KANK3: variants seen among roughly 807,000 people sequenced by gnomAD.
KANK3 encodes the protein KN motif and ankyrin repeat domain-containing protein 3.
KANK3 carries 61 observed loss-of-function variants against 65.4 expected under a neutral mutation model. That is an observed-to-expected ratio of 0.93 (90% CI 0.76 to 1.15). The LOEUF is 1.15. Ranked by LOEUF, KANK3 falls within the 50% of genes most tolerant of loss-of-function variation. KANK3 has a pLI of 0.00. For synonymous variants in KANK3, 586 were observed against 543.3 expected, an observed-to-expected ratio of 1.08 and a Z score of -1.09; for missense variants, 1,187 against 1,178.8, an observed-to-expected ratio of 1.01 and a Z score of -0.10.
intron 2 of KANK3, 85 bp downstream of exon 2, chr19:8,337,710 T>C (rs1012926530): frequency 9.4e-6 from 14 of 1,493,068 alleles, no homozygotes; most frequent in Non-Finnish European, 1.3e-5. Flanking sequence ...ACTCTAGGGC[T>C]GTAGGCTGCG....
intron 1 of KANK3, among the ~76,000 whole-genome samples, chr19:8,340,289 TATAC>T (rs1568205687): frequency 3.3e-5 from 2 of 61,514 alleles, no homozygotes; most frequent in South Asian, 4.2e-4. Flanking sequence ...TATATATATA[TATAC>T]ACACACACAC....
chr19:8,327,280 T>G (rs1599642154), intron 7 of KANK3, among the ~76,000 whole-genome samples: 1 of 151,950 alleles, frequency 6.6e-6, no homozygotes, highest in South Asian at 2.1e-4. Context: ...GGCAGGAGGA[T>G]CACTTGAGGC....
chr19:8,322,822 G>C lies in KANK3; in HGVS notation c.*17C>G. On this transcript the variant is annotated 3_prime_UTR_variant, in exon 11 of 11. Coordinates refer to ENST00000330915, the MANE Select transcript of KANK3 (RefSeq NM_198471.3). ...AGATCTCCCCACAGCTAGGTGTAGT[G>C]AGCCAGACGAGGCAGCTTACTGAAC... 6.3e-7 allele frequency: 1 copy of C among 1,591,138 alleles called. No individual in the cohort carries two copies. The highest frequency in any genetic ancestry group is 1.7e-5 in the Admixed American group (1 of 58,690).
chr19:8,324,883 GGTC>G, intron 8 of KANK3, 53 bp from the exon 9 acceptor site: 1 of 1,558,612 alleles, frequency 6.4e-7, no homozygotes, highest in Non-Finnish European at 8.7e-7. Context: ...AGGGAAGGGA[GGTC>G]ACAGGTTGAC....
chr19:8,330,774 C>T (rs1025744547), intron 7 of KANK3, among the ~76,000 whole-genome samples: 10 of 151,156 alleles, frequency 6.6e-5, no homozygotes, highest in South Asian at 2.1e-4. Flanking sequence ...GTGTGGTACA[C>T]GCGCCTGTAA....
intron 10 of KANK3, among the ~76,000 whole-genome samples, chr19:8,323,812 C>G (rs1970368971): frequency 6.6e-6 from 1 of 152,156 alleles, no homozygotes. Context: ...GATTAGATAA[C>G]TTGGATTATG....
rs895599861 is a variant in KANK3, at chr19:8,329,558, A to G, written c.1936+3456T>C. Among the ~76,000 whole-genome samples the G allele has an allele frequency of 3.2e-4, 48 of 150,724 alleles. 1 individual carries two copies. The highest frequency in any genetic ancestry group is 1.1e-3 in the African/African-American group (44 of 41,088). ...TGCTCTGGAAATGCAATCTTGAGAT[A>G]AGGAGGAACTGACTGGAACAGCCTA... On this transcript the variant is annotated intron_variant, in intron 7 of 10. Transcript: ENST00000330915.
intron 7 of KANK3, among the ~76,000 whole-genome samples, chr19:8,326,808 A>AC (rs57868533): frequency 0.27 from 40,098 of 149,374 alleles, 5,639 homozygotes; most frequent in African/African-American, 0.35. Flanking sequence ...CAGAAAAAAA[A>AC]AAAAAAACCT....
Position 8,335,475 on chromosome 19 carries a change from G to T in KANK3, c.352C>A (p.Pro118Thr). The T allele has an allele frequency of 8.1e-7, 1 of 1,237,478 alleles. No homozygotes were observed. The allele number at this position is 1,237,478 out of a possible 1,614,324, so 76.7% of individuals were successfully genotyped here. A position where few individuals can be genotyped will look rare whatever the true frequency, so the allele number is the denominator to read the frequency against. Residue 118 changes from proline to threonine, a missense_variant, in exon 3 of 11, where the codon CCG (proline) becomes ACG (threonine). Pro to Thr is a conservative substitution (Grantham distance 38). Around this residue, in one of 3 missense-constraint regions of KANK3, gnomAD observed 1,078 missense variants for 1,038.2 expected, o/e 1.04. Transcript: ENST00000330915. The part of the protein sequence containing the change: ...QGAPSGLLMQ[P>T]LSPRAPVRNP... ...CGCACGGGCGCGCGCGGCGACAGCG[G>T]CTGCATCAGGAGCCCCGAGGGCGCG...
At chr19:8,332,965 TC>T in intron 7 of KANK3, 48 bp downstream of exon 7, 6 of 1,128,398 alleles carry the variant, frequency 5.3e-6, no homozygotes, top group East Asian at 6.8e-5. Context: ...CCCTGCCCTC[TC>T]CCCCCACCCA....
intron 2 of KANK3, 94 bp from the exon 3 acceptor site, chr19:8,335,886 C>T (rs992621991): frequency 7.3e-6 from 6 of 826,864 alleles, no homozygotes; most frequent in Non-Finnish European, 9.7e-6. Flanking sequence ...CCCATGCCCA[C>T]GCTTCACACC....
chr19:8,337,688 G>T, intron 2 of KANK3, 107 bp downstream of exon 2: 2 of 1,315,450 alleles, frequency 1.5e-6, no homozygotes, highest in Non-Finnish European at 2.2e-6. Flanking sequence ...TCATGACATT[G>T]GAGAGGACTG....
chr19:8,329,523 A>AAAAG (rs1427394985), intron 7 of KANK3, among the ~76,000 whole-genome samples: 1 of 149,470 alleles, frequency 6.7e-6, no homozygotes, highest in African/African-American at 2.5e-5. Context: ...AAAAAAGACT[A>AAAAG]ACTATAGAAT....
At chr19:8,343,121 C>T (rs1345334235) in intron 1 of KANK3, 104 bp downstream of exon 1, 2 of 152,258 alleles carry the variant, frequency 1.3e-5, no homozygotes, top group Non-Finnish European at 2.9e-5. Context: ...CGGGCAGAGC[C>T]CTCAGTGGGG....
In KANK3 at chr19:8,333,010, T is replaced by C. The variant is rs1307750616; in HGVS notation, c.1936+4A>G. ...TGTCCCACCCACCCTCCCTTGGCTC[T>C]GACCCGTATCCAGGAGCAGGCTTGC... On this transcript the variant is annotated splice_donor_region_variant and intron_variant, in intron 7 of 10. Transcript: ENST00000330915. The surrounding 1 kb of genome is among the most constrained non-coding windows in gnomAD (Gnocchi z 5.0). 1.9e-6 allele frequency: 1 copy of C among 512,954 alleles called. No individual in the cohort carries two copies. The highest frequency in any genetic ancestry group is 2.4e-5 in the Admixed American group (1 of 42,536). The allele number at this position is 512,954 out of a possible 1,614,324, so 31.8% of individuals were successfully genotyped here. A position where few individuals can be genotyped will look rare whatever the true frequency, so the allele number is the denominator to read the frequency against.
rs1003313957 is a variant in KANK3 at position 8,327,688 on chromosome 19, G to A, written c.1937-2592C>T. Among the ~76,000 whole-genome samples, 12 of 152,248 alleles carry A rather than the reference G, an allele frequency of 7.9e-5. 2 individuals are homozygous for A. Among genetic ancestry groups the A allele is most frequent in the Admixed American group, 1.3e-4 (2 of 15,282 alleles). ...TCATGCCTGTGGTCCCAAATACTCA[G>A]GAGGCTGAGGTGGAAGGATCGCTTG... On this transcript the variant is annotated intron_variant, in intron 7 of 10. Transcript: ENST00000330915.
Position 8,334,073 on chromosome 19 carries a change from C to T in KANK3, c.1471G>A (p.Asp491Asn). The change falls in exon 5 of 11, where the codon GAC becomes AAC. Residue 491 changes from aspartate to asparagine, a missense_variant. Around this residue, in one of 3 missense-constraint regions of KANK3, gnomAD observed 1,078 missense variants for 1,038.2 expected, o/e 1.04. Coordinates refer to ENST00000330915, the MANE Select transcript of KANK3 (RefSeq NM_198471.3). ...SSEDASDSDG[D>N]SENGGAEPPG... ...GGCTCGGCGCCACCGTTCTCGCTGTCGCCATCGCTGTCGCTGGCGTCCTCG... is the reference window on the plus strand; with the variant it reads ...GGCTCGGCGCCACCGTTCTCGCTGTTGCCATCGCTGTCGCTGGCGTCCTCG... 1 of 761,058 alleles carries T rather than the reference C, an allele frequency of 1.3e-6. No individual in the cohort carries two copies. The highest frequency in any genetic ancestry group is 2.4e-5 in the South Asian group (1 of 41,154). The allele number at this position is 761,058 out of a possible 1,614,324, so 47.1% of individuals were successfully genotyped here.
chr19:8,329,448 C>T (rs930951467), intron 7 of KANK3, among the ~76,000 whole-genome samples: 1 of 128,002 alleles, frequency 7.8e-6, no homozygotes, highest in Admixed American at 9.5e-5. Context: ...GATCTGAGAT[C>T]ACACCACTGC....
Position 8,335,565 on chromosome 19 carries a change from C to A in KANK3, c.262G>T (p.Ala88Ser). ...PGLAGARSPG[A>S]WTSSESLASD... ...GCCAGGGACTCGCTGGATGTCCAGG[C>A]GCCTGGGCTACGTGCGCCCGCGAGG... The change falls in exon 3 of 11, where the codon GCC becomes TCC. Residue 88 changes from alanine (A) to serine (S), a missense_variant. By Grantham distance (99) the Ala-to-Ser change is moderately conservative. Coordinates refer to ENST00000330915, the MANE Select transcript of KANK3 (RefSeq NM_198471.3). 9 of 1,218,954 alleles carry A rather than the reference C, an allele frequency of 7.4e-6. No homozygotes were observed. The highest frequency in any genetic ancestry group is 9.3e-6 in the Non-Finnish European group (9 of 972,704). 75.5% of individuals were successfully genotyped at this position (1,218,954 alleles called of 1,614,324 possible).
Sources: allele counts gnomAD v4.1 joint callset (sites outside exome capture counted in the v4.1 genomes callset), GRCh38; gene constraint gnomAD v4.1.1; regional missense constraint gnomAD v4.1.1; non-coding constraint Gnocchi (gnomAD v3.1); transcripts MANE v1.5; gene names NCBI Gene and HGNC (gene_info 2026-07-23, HGNC 2026-07-21).